GTF2IRD1: variants seen among roughly 807,000 people sequenced by gnomAD.
GTF2IRD1 encodes the protein general transcription factor II-I repeat domain-containing protein 1.
A neutral mutation model predicts 113.2 loss-of-function variants in GTF2IRD1; 26 were observed. The observed-to-expected ratio is 0.23, with a 90% confidence interval of 0.17 to 0.32. The LOEUF is 0.32. GTF2IRD1 is among the 10% of genes least tolerant of loss of function. The pLI is 1.00. For synonymous variants in GTF2IRD1, 484 were observed against 529.1 expected, an observed-to-expected ratio of 0.91 and a Z score of 1.17; for missense variants, 864 against 1,280.8, an observed-to-expected ratio of 0.67 and a Z score of 4.97.
At position 74,546,177 on chromosome 7, in the gene GTF2IRD1, T is replaced by C. The variant is rs587750785; in HGVS notation, c.1732+368T>C. Among the ~76,000 whole-genome samples, 10 of 150,124 alleles carry C rather than the reference T, an allele frequency of 6.7e-5. No individual in the cohort carries two copies. The East Asian group carries it at 2.0e-3, about 29-fold the overall frequency. Reference sequence around the variant, plus strand: ...TAAGAATAAGATAAGATAACCTCAGTGGTGTGCCGGGCATGAGGCTAGGTG... The same window carrying C: ...TAAGAATAAGATAAGATAACCTCAGCGGTGTGCCGGGCATGAGGCTAGGTG... On this transcript the variant is annotated intron_variant, in intron 16 of 26. Coordinates refer to ENST00000424337, the MANE Select transcript of GTF2IRD1 (RefSeq NM_005685.4).
At chr7:74,600,772 G>C (rs1352404210) in intron 25 of GTF2IRD1, among the ~76,000 whole-genome samples, 1 of 152,046 alleles carries the variant, frequency 6.6e-6, no homozygotes, top group South Asian at 2.1e-4. Context: ...GAGGAGGAGG[G>C]ACACATGGGG....
At chr7:74,469,348 A>G (rs1173195261) in intron 1 of GTF2IRD1, among the ~76,000 whole-genome samples, 1 of 151,992 alleles carries the variant, frequency 6.6e-6, no homozygotes, top group African/African-American at 2.4e-5. Flanking sequence ...ATATATTCAC[A>G]GAGTTGTGCA....
intron 4 of GTF2IRD1, among the ~76,000 whole-genome samples, chr7:74,517,001 TTTGTTG>T (rs374786237): frequency 1.9e-3 from 175 of 90,240 alleles, no homozygotes; most frequent in Middle Eastern, 5.4e-3. Context: ...CTCTCCTGTC[TTTGTTG>T]TTGTTGTTGT....
At chr7:74,464,082 A>T (rs1351825024) in intron 1 of GTF2IRD1, among the ~76,000 whole-genome samples, 1 of 152,056 alleles carries the variant, frequency 6.6e-6, no homozygotes, top group Non-Finnish European at 1.5e-5. Flanking sequence ...CTGGTTGCTA[A>T]ATGTTTGGAA....
At chr7:74,527,121 G>A (rs896769967) in intron 8 of GTF2IRD1, among the ~76,000 whole-genome samples, 6 of 152,196 alleles carry the variant, frequency 3.9e-5, no homozygotes, top group African/African-American at 1.4e-4. Context: ...AGTGTATCGA[G>A]GCCCCGTCCA....
At chr7:74,466,685 C>T (rs1012504437) in intron 1 of GTF2IRD1, among the ~76,000 whole-genome samples, 7 of 152,246 alleles carry the variant, frequency 4.6e-5, no homozygotes, top group East Asian at 1.9e-4. Flanking sequence ...CTCCAGGTCA[C>T]GTTAGGTGCC....
chr7:74,563,886 GA>G (rs1800129320), intron 22 of GTF2IRD1, among the ~76,000 whole-genome samples: 1 of 151,924 alleles, frequency 6.6e-6, no homozygotes, highest in Non-Finnish European at 1.5e-5. Flanking sequence ...ACGCCATCTG[GA>G]AAAAATAAAA....
chr7:74,589,179 C>T (rs1200276034), intron 22 of GTF2IRD1, among the ~76,000 whole-genome samples: 1 of 151,984 alleles, frequency 6.6e-6, no homozygotes, highest in Non-Finnish European at 1.5e-5. Context: ...GGAAACATAG[C>T]GAGACTCCAT....
chr7:74,480,184 T>C (rs1478799946), intron 1 of GTF2IRD1, among the ~76,000 whole-genome samples: 1 of 152,128 alleles, frequency 6.6e-6, no homozygotes, highest in African/African-American at 2.4e-5. Context: ...TTTTTGGTCA[T>C]TTTCCCTGCC....
At chr7:74,495,032 G>C (rs1795576331) in intron 1 of GTF2IRD1, among the ~76,000 whole-genome samples, 1 of 152,216 alleles carries the variant, frequency 6.6e-6, no homozygotes, top group Admixed American at 6.5e-5. Context: ...TGGATTACAG[G>C]CATGAGCCAC....
At chr7:74,591,160 TC>T in intron 24 of GTF2IRD1, 143 bp downstream of exon 24, 1 of 482,126 alleles carries the variant, frequency 2.1e-6, no homozygotes. Context: ...ACATACAACT[TC>T]AACAGTCATG....
intron 6 of GTF2IRD1, among the ~76,000 whole-genome samples, chr7:74,520,885 T>TATTATTATA (rs1407258958): frequency 1.4e-5 from 2 of 139,598 alleles, no homozygotes; most frequent in African/African-American, 2.7e-5. Flanking sequence ...TTATTATTAT[T>TATTATTATA]ATAAGGGGGA....
intron 1 of GTF2IRD1, among the ~76,000 whole-genome samples, chr7:74,471,223 C>T (rs1438032600): frequency 6.6e-6 from 1 of 152,144 alleles, no homozygotes; most frequent in African/African-American, 2.4e-5. Context: ...GTGGCAGTCA[C>T]CTGACTGTTT....
chr7:74,544,718 T>C (rs781897256), intron 14 of GTF2IRD1, 37 bp from the exon 15 acceptor site: 1 of 1,609,220 alleles, frequency 6.2e-7, no homozygotes, highest in African/African-American at 1.3e-5. Context: ...TAGGAGATGA[T>C]GAATGTGGCT....
chr7:74,514,791 A>G (rs1796830646), intron 3 of GTF2IRD1, among the ~76,000 whole-genome samples: 1 of 151,958 alleles, frequency 6.6e-6, no homozygotes, highest in African/African-American at 2.4e-5. Context: ...GAGCACAGAA[A>G]GGCATGGATG....
intron 2 of GTF2IRD1, among the ~76,000 whole-genome samples, chr7:74,511,043 T>C (rs1194587867): frequency 1.3e-5 from 2 of 150,302 alleles, no homozygotes; most frequent in Non-Finnish European, 3.0e-5. Context: ...AGCAAGACTT[T>C]GTCTCAAAAA....
intron 17 of GTF2IRD1, among the ~76,000 whole-genome samples, chr7:74,550,461 A>G (rs1422075799): frequency 2.0e-5 from 3 of 150,988 alleles, no homozygotes; most frequent in African/African-American, 7.3e-5. Context: ...GGTGGTGTGC[A>G]CCTGTAGTCC....
At chr7:74,568,886 C>G (rs1285830998) in intron 22 of GTF2IRD1, among the ~76,000 whole-genome samples, 2 of 152,044 alleles carry the variant, frequency 1.3e-5, no homozygotes, top group African/African-American at 4.8e-5. Context: ...CACAGAGGTG[C>G]CGCCATGGAT....
intron 1 of GTF2IRD1, among the ~76,000 whole-genome samples, chr7:74,484,705 C>T (rs1326046003): frequency 7.2e-5 from 11 of 151,862 alleles, no homozygotes; most frequent in African/African-American, 1.2e-4. Flanking sequence ...GTGATCCACC[C>T]GCCTCAGCCT....
Sources: allele counts gnomAD v4.1 joint callset (sites outside exome capture counted in the v4.1 genomes callset), GRCh38; gene constraint gnomAD v4.1.1; transcripts MANE v1.5; gene names NCBI Gene and HGNC (gene_info 2026-07-23, HGNC 2026-07-21).